KCNJ6: variants seen among roughly 807,000 people sequenced by gnomAD.
KCNJ6 encodes the protein G protein-activated inward rectifier potassium channel 2.
KCNJ6 carries 9 observed loss-of-function variants against 34.2 expected under a neutral mutation model. That is an observed-to-expected ratio of 0.26 (90% CI 0.16 to 0.46). The LOEUF is 0.46. Ranked by LOEUF, KCNJ6 falls within the 20% of genes least tolerant of loss-of-function variation. KCNJ6 has a pLI of 1.00. For synonymous variants in KCNJ6, 196 were observed against 207.1 expected, an observed-to-expected ratio of 0.95 and a Z score of 0.46; for missense variants, 236 against 531.3, an observed-to-expected ratio of 0.44 and a Z score of 5.46.
At chr21:37,666,231 G>C (rs1246350639) in intron 3 of KCNJ6, among the ~76,000 whole-genome samples, 1 of 152,142 alleles carries the variant, frequency 6.6e-6, no homozygotes, top group African/African-American at 2.4e-5. Flanking sequence ...GCTTCTAGTG[G>C]CCCAAGAACC....
chr21:37,829,537 G>T (rs1341372743), intron 2 of KCNJ6, among the ~76,000 whole-genome samples: 2 of 152,166 alleles, frequency 1.3e-5, no homozygotes, highest in Admixed American at 1.3e-4. Flanking sequence ...GGGCCAGGGG[G>T]CAGTGATGGA....
intron 1 of KCNJ6, among the ~76,000 whole-genome samples, chr21:37,905,774 C>T (rs1195856486): frequency 6.6e-6 from 1 of 152,166 alleles, no homozygotes; most frequent in African/African-American, 2.4e-5. Context: ...ATTTTTTTCT[C>T]TATGTCCCCT....
At chr21:37,674,839 T>C (rs1430457978) in intron 3 of KCNJ6, among the ~76,000 whole-genome samples, 1 of 152,074 alleles carries the variant, frequency 6.6e-6, no homozygotes, top group Non-Finnish European at 1.5e-5. Context: ...CCTGACTACC[T>C]AGAACACTGC....
chr21:37,755,138 T>G (rs2055017426), intron 2 of KCNJ6, among the ~76,000 whole-genome samples: 2 of 152,050 alleles, frequency 1.3e-5, no homozygotes, highest in Admixed American at 1.3e-4. Context: ...AGTGTCTTAG[T>G]GGATGCAGAG....
At chr21:37,656,083 A>G (rs551637347) in intron 3 of KCNJ6, among the ~76,000 whole-genome samples, 7 of 152,250 alleles carry the variant, frequency 4.6e-5, no homozygotes, top group Admixed American at 2.0e-4. Context: ...CGTTACATCA[A>G]TGATAATGGG....
At position 37,609,505 on chromosome 21, in the gene KCNJ6, C is replaced by T. The variant is rs2054235119; in HGVS notation, c.*15654G>A. The T allele has an allele frequency of 6.6e-6, 1 of 152,130 alleles. No homozygotes were observed. The highest frequency in any genetic ancestry group is 2.1e-4 in the South Asian group (1 of 4,828). The allele number at this position is 152,130 out of a possible 1,614,324, so 9.4% of individuals were successfully genotyped here. A position where few individuals can be genotyped will look rare whatever the true frequency, so the allele number is the denominator to read the frequency against. The stretch of plus-strand genomic sequence containing the variant: ...GCTCACAGAACAACCCTATATTTTA[C>T]TGGGCCATAGTAAACATTTTGGGCC... On this transcript the variant is annotated 3_prime_UTR_variant, in exon 4 of 4. Coordinates refer to ENST00000609713, the MANE Select transcript of KCNJ6 (RefSeq NM_002240.5).
intron 3 of KCNJ6, among the ~76,000 whole-genome samples, chr21:37,643,324 G>A (rs2054389445): frequency 6.6e-6 from 1 of 152,138 alleles, no homozygotes; most frequent in Non-Finnish European, 1.5e-5. Context: ...CATGAAACCA[G>A]GAGCTCAGGG....
intron 1 of KCNJ6, among the ~76,000 whole-genome samples, chr21:37,895,777 G>T (rs1432043474): frequency 6.6e-6 from 1 of 152,204 alleles, no homozygotes; most frequent in Non-Finnish European, 1.5e-5. Flanking sequence ...TGCCCTGACA[G>T]TGGTGCCCCA....
At chr21:37,700,954 C>T (rs538695701) in intron 3 of KCNJ6, among the ~76,000 whole-genome samples, 2 of 152,242 alleles carry the variant, frequency 1.3e-5, no homozygotes, top group African/African-American at 4.8e-5. Context: ...AAGATGACGG[C>T]CAGGTCATTT....
intron 3 of KCNJ6, among the ~76,000 whole-genome samples, chr21:37,678,746 A>T (rs1372268796): frequency 6.6e-6 from 1 of 152,210 alleles, no homozygotes; most frequent in African/African-American, 2.4e-5. Context: ...AGCTTTGTAC[A>T]TGTGGCTGAG....
At chr21:37,796,553 A>G (rs559017010) in intron 2 of KCNJ6, among the ~76,000 whole-genome samples, 2 of 152,096 alleles carry the variant, frequency 1.3e-5, no homozygotes, top group African/African-American at 4.8e-5. Context: ...AAGTGCTTGG[A>G]TGAGACTTTT....
chr21:37,693,877 G>A (rs368730807), intron 3 of KCNJ6, among the ~76,000 whole-genome samples: 78 of 151,828 alleles, frequency 5.1e-4, no homozygotes, highest in African/African-American at 1.7e-3. Context: ...TACTTTTCAC[G>A]CTTTTCATTT....
chr21:37,796,309 A>T (rs761850372), intron 2 of KCNJ6, among the ~76,000 whole-genome samples: 1 of 152,188 alleles, frequency 6.6e-6, no homozygotes, highest in African/African-American at 2.4e-5. Context: ...AAGCGAAATT[A>T]GAGTGATATT....
chr21:37,888,592 G>A (rs1321976737), intron 1 of KCNJ6, among the ~76,000 whole-genome samples: 1 of 152,248 alleles, frequency 6.6e-6, no homozygotes, highest in African/African-American at 2.4e-5. Flanking sequence ...GGGGATGGGA[G>A]GAAGGTGGAT....
At chr21:37,752,910 T>C (rs376819955) in intron 2 of KCNJ6, among the ~76,000 whole-genome samples, 1 of 152,194 alleles carries the variant, frequency 6.6e-6, no homozygotes, top group Non-Finnish European at 1.5e-5. Flanking sequence ...AAGGGATTCA[T>C]ACTGGAGTTA....
At position 37,743,519 on chromosome 21, in the gene KCNJ6, C is replaced by T. The variant is rs114192021; in HGVS notation, c.26-28388G>A. Among the ~76,000 whole-genome samples, 919 of 152,200 alleles carry T rather than the reference C, an allele frequency of 6.0e-3. 15 individuals are homozygous for T. The highest frequency in any genetic ancestry group is 0.02 in the African/African-American group (844 of 41,530). On this transcript the variant is annotated intron_variant, in intron 2 of 3. Coordinates refer to ENST00000609713, the MANE Select transcript of KCNJ6 (RefSeq NM_002240.5). ...TTAGGCCACGAGGGCTCCCCCCTCA[C>T]GGATGGATTAATGCTGCTATTGAGA...
At chr21:37,772,473 C>T (rs534574502) in intron 2 of KCNJ6, among the ~76,000 whole-genome samples, 2 of 152,132 alleles carry the variant, frequency 1.3e-5, no homozygotes, top group East Asian at 3.9e-4. Flanking sequence ...ATTTTAGAAT[C>T]GTCATACTTT....
intron 2 of KCNJ6, among the ~76,000 whole-genome samples, chr21:37,829,139 C>T (rs541128818): frequency 2.2e-4 from 24 of 107,614 alleles, no homozygotes; most frequent in East Asian, 9.1e-4. Context: ...GTGGGAGTGG[C>T]GGGAGGTGGG....
chr21:37,622,111 AC>A lies in KCNJ6; in HGVS notation c.*3047del, dbSNP rs2054291692. ...TTGGGGTCAACTGTGGCAAACCATAACCCTTAAATTCCAAATTCTTATCTGG... is the reference window on the plus strand; with the variant it reads ...TTGGGGTCAACTGTGGCAAACCATAACCTTAAATTCCAAATTCTTATCTGG... On this transcript the variant is annotated 3_prime_UTR_variant, in exon 4 of 4. Transcript: ENST00000609713. 1 of 152,078 alleles carries A rather than the reference AC, an allele frequency of 6.6e-6. No homozygotes were observed. Among genetic ancestry groups the A allele is most frequent in the South Asian group, 2.1e-4 (1 of 4,822 alleles). The allele number at this position is 152,078 out of a possible 1,614,324, so 9.4% of individuals were successfully genotyped here.
Sources: allele counts gnomAD v4.1 joint callset (sites outside exome capture counted in the v4.1 genomes callset), GRCh38; gene constraint gnomAD v4.1.1; transcripts MANE v1.5; gene names NCBI Gene and HGNC (gene_info 2026-07-23, HGNC 2026-07-21).